Variants in GALNT11 observed in about 807,000 individuals in gnomAD.
GALNT11 encodes UDP-GalNAc:polypeptide N-acetylgalactosaminyltransferase 11.
Under a neutral mutation model 72.7 loss-of-function variants are expected in GALNT11, and 47 were observed. That is an observed-to-expected ratio of 0.65 (90% CI 0.51 to 0.82). GALNT11 has a LOEUF of 0.82. GALNT11 is among the 40% of genes least tolerant of loss of function. The pLI is 0.00. For synonymous variants in GALNT11, 270 were observed against 286.6 expected, an observed-to-expected ratio of 0.94 and a Z score of 0.58; for missense variants, 677 against 778.4, an observed-to-expected ratio of 0.87 and a Z score of 1.55.
At chr7:152,036,681 T>C (rs1224799037) in intron 1 of GALNT11, among the ~76,000 whole-genome samples, 5 of 152,248 alleles carry the variant, frequency 3.3e-5, no homozygotes. Flanking sequence ...TCCATAGTGC[T>C]TGTACTAATT....
intron 3 of GALNT11, among the ~76,000 whole-genome samples, chr7:152,101,437 G>T (rs1023704669): frequency 6.6e-6 from 1 of 152,088 alleles, no homozygotes; most frequent in Non-Finnish European, 1.5e-5. Flanking sequence ...CTAGAGTCTA[G>T]CAGGGGAGGC....
chr7:152,113,217 T>C, intron 7 of GALNT11, 29 bp from the exon 8 acceptor site: 1 of 1,576,608 alleles, frequency 6.3e-7, no homozygotes, highest in African/African-American at 1.4e-5. Flanking sequence ...ATGAGGCAAC[T>C]GTTAACACCT....
chr7:152,084,788 T>C (rs982460627), intron 1 of GALNT11, among the ~76,000 whole-genome samples: 6 of 152,182 alleles, frequency 3.9e-5, no homozygotes, highest in Admixed American at 2.6e-4. Flanking sequence ...CTAAGCGCTA[T>C]GCTAAATATA....
At chr7:152,067,397 T>C (rs890401399) in intron 1 of GALNT11, among the ~76,000 whole-genome samples, 26 of 152,108 alleles carry the variant, frequency 1.7e-4, no homozygotes, top group African/African-American at 6.3e-4. Flanking sequence ...GGAGATCTGT[T>C]ATAGTCTGTC....
intron 1 of GALNT11, among the ~76,000 whole-genome samples, chr7:152,065,261 T>C (rs1274809268): frequency 6.6e-6 from 1 of 152,256 alleles, no homozygotes; most frequent in Admixed American, 6.5e-5. Flanking sequence ...TTGAAGCTTG[T>C]GCATTCATCA....
intron 3 of GALNT11, among the ~76,000 whole-genome samples, chr7:152,102,125 T>C (rs1384240076): frequency 6.6e-6 from 1 of 152,162 alleles, no homozygotes; most frequent in Non-Finnish European, 1.5e-5. Context: ...TGAAACCTCA[T>C]TGAGGAGAAG....
intron 1 of GALNT11, among the ~76,000 whole-genome samples, chr7:152,031,893 A>G (rs1266249781): frequency 6.6e-6 from 1 of 152,150 alleles, no homozygotes; most frequent in Non-Finnish European, 1.5e-5. Context: ...GGGGATCCAT[A>G]GTTGGCAAAA....
chr7:152,052,965 T>G (rs2083470798), intron 1 of GALNT11, among the ~76,000 whole-genome samples: 1 of 152,244 alleles, frequency 6.6e-6, no homozygotes, highest in Non-Finnish European at 1.5e-5. Flanking sequence ...TTATTATCCC[T>G]TTGTCCCTTG....
At chr7:152,031,492 C>T (rs2082302851) in intron 1 of GALNT11, among the ~76,000 whole-genome samples, 1 of 152,210 alleles carries the variant, frequency 6.6e-6, no homozygotes, top group African/African-American at 2.4e-5. Flanking sequence ...TTGGCACTTA[C>T]TATGCCATTT....
chr7:152,055,567 G>GTATA (rs912108361), intron 1 of GALNT11, among the ~76,000 whole-genome samples: 13 of 120,418 alleles, frequency 1.1e-4, no homozygotes, highest in African/African-American at 3.4e-4. Flanking sequence ...GTGTGTGTGT[G>GTATA]TATATATACA....
Position 152,108,300 on chromosome 7 carries a change from C to A in GALNT11, c.962+13C>A. ...CTGCACCAATAAAGTAAGATCGCTCCTTTGTTTGACAAATTCCTACCAGTG... is the reference window on the plus strand; with the variant it reads ...CTGCACCAATAAAGTAAGATCGCTCATTTGTTTGACAAATTCCTACCAGTG... On this transcript the variant is annotated intron_variant, in intron 6 of 11. Coordinates refer to ENST00000430044, the MANE Select transcript of GALNT11 (RefSeq NM_022087.4). 1 of 1,592,968 alleles carries A rather than the reference C, an allele frequency of 6.3e-7. No homozygotes were observed. Among genetic ancestry groups the A allele is most frequent in the Non-Finnish European group, 8.6e-7 (1 of 1,163,642 alleles).
In GALNT11 at chr7:152,108,161, C is replaced by T; in HGVS notation, c.836C>T (p.Ala279Val). The change falls in exon 6 of 12, where the codon GCC becomes GTC. Residue 279 changes from alanine to valine, a missense_variant. Coordinates refer to ENST00000430044, the MANE Select transcript of GALNT11 (RefSeq NM_022087.4). ...VVCPVIDIIS[A>V]DTLAYSSSPV... Reference sequence around the variant, plus strand: ...TGCCCAGTGATTGACATCATCAGCGCCGACACGCTGGCCTACAGCTCGTCC... The same window carrying T: ...TGCCCAGTGATTGACATCATCAGCGTCGACACGCTGGCCTACAGCTCGTCC... 6.2e-7 allele frequency: 1 copy of T among 1,614,130 alleles called. No individual in the cohort carries two copies. The highest frequency in any genetic ancestry group is 2.2e-5 in the East Asian group (1 of 44,880).
intron 1 of GALNT11, among the ~76,000 whole-genome samples, chr7:152,051,807 A>G (rs532973627): frequency 2.6e-5 from 4 of 152,358 alleles, no homozygotes; most frequent in Non-Finnish European, 5.9e-5. Context: ...GTTAAATGTT[A>G]TCAAGCAGTA....
chr7:152,099,533 T>G (rs1415144485), intron 2 of GALNT11, among the ~76,000 whole-genome samples: 2 of 118,704 alleles, frequency 1.7e-5, no homozygotes, highest in African/African-American at 3.9e-5. Context: ...CCGCCTAGTT[T>G]TTTTTTTTTT....
At chr7:152,113,207 A>G in intron 7 of GALNT11, 39 bp from the exon 8 acceptor site, 1 of 1,559,568 alleles carries the variant, frequency 6.4e-7, no homozygotes, top group Non-Finnish European at 8.7e-7. Context: ...TCACAACAAC[A>G]TGAGGCAACT....
chr7:152,079,790 G>A (rs1215642631), intron 1 of GALNT11, among the ~76,000 whole-genome samples: 1 of 152,184 alleles, frequency 6.6e-6, no homozygotes, highest in African/African-American at 2.4e-5. Context: ...AGGGGTATGT[G>A]GGTACTGTAC....
At chr7:152,113,844 C>T in intron 8 of GALNT11, among the ~76,000 whole-genome samples, 1 of 148,926 alleles carries the variant, frequency 6.7e-6, no homozygotes. Flanking sequence ...TCAAGTGATC[C>T]TACTGCTTCA....
intron 3 of GALNT11, among the ~76,000 whole-genome samples, chr7:152,102,539 T>C (rs2087047804): frequency 6.6e-6 from 1 of 151,492 alleles, no homozygotes; most frequent in Admixed American, 6.6e-5. Context: ...AGACACCGTC[T>C]CAAAAAAAGA....
At chr7:152,085,248 C>A (rs2085571334) in intron 1 of GALNT11, among the ~76,000 whole-genome samples, 1 of 152,186 alleles carries the variant, frequency 6.6e-6, no homozygotes, top group Non-Finnish European at 1.5e-5. Flanking sequence ...GAGCAGCTAC[C>A]AGACCATGAC....
Sources: gnomAD v4.1 joint callset for allele counts (sites outside exome capture counted in the v4.1 genomes callset) on GRCh38, gnomAD v4.1.1 for gene constraint, MANE v1.5 for transcripts, NCBI Gene and HGNC (gene_info 2026-07-23, HGNC 2026-07-21) for gene names.